Variants in COL4A3 observed in about 807,000 individuals in gnomAD.
COL4A3 encodes collagen type IV alpha 3 chain.
COL4A3 carries 135 observed loss-of-function variants against 217.4 expected under a neutral mutation model. The ratio of observed to expected loss-of-function variants is 0.62; its 90% CI spans 0.54 to 0.72. The LOEUF is 0.72. Ranked by LOEUF, COL4A3 falls within the 30% of genes least tolerant of loss-of-function variation. The pLI is 0.00. For missense variants in COL4A3, 1,868 were observed against 2,119.9 expected, an observed-to-expected ratio of 0.88 and a Z score of 2.33; for synonymous variants, 690 against 736.3, an observed-to-expected ratio of 0.94 and a Z score of 1.02.
intron 23 of COL4A3, among the ~76,000 whole-genome samples, chr2:227,267,965 G>GC (rs2071012522): frequency 6.6e-6 from 1 of 152,112 alleles, no homozygotes; most frequent in Non-Finnish European, 1.5e-5. Context: ...TCACAGAACT[G>GC]CCTATGGGCA....
chr2:227,278,277 A>C (rs2071712688), intron 28 of COL4A3, among the ~76,000 whole-genome samples: 1 of 152,174 alleles, frequency 6.6e-6, no homozygotes, highest in African/African-American at 2.4e-5. Context: ...AGACGCTGAG[A>C]GCTCACACAA....
At chr2:227,186,157 G>A (rs957641969) in intron 1 of COL4A3, among the ~76,000 whole-genome samples, 3 of 152,194 alleles carry the variant, frequency 2.0e-5, no homozygotes, top group East Asian at 1.9e-4. Flanking sequence ...TTTGGAGAAC[G>A]GGAGATTATT....
At position 227,256,379 on chromosome 2, in the gene COL4A3, G is replaced by C; in HGVS notation, c.970G>C (p.Gly324Arg). Residue 324 changes from glycine to arginine, a missense_variant, in exon 17 of 52, where the codon GGT (glycine) becomes CGT (arginine). Physicochemically the swap from Gly to Arg is moderately radical, Grantham distance 125. This residue lies in a region of COL4A3 where 1,503 missense variants were observed against 1,786.1 expected (regional missense o/e 0.84). Transcript: ENST00000396578. ...CAACAGGGGTTTCCCTGGGTTAATG[G>C]GTGAAGATGGCATTAAGGTAATCCT... ...KGNRGFPGLM[G>R]EDGIKGQKGD... is the part of the protein sequence containing the mutation. 6.2e-7 allele frequency: 1 copy of C among 1,613,306 alleles called. No homozygotes were observed.
chr2:227,195,679 GTGTGTGTGTGTGTGTGTA>G (rs1277075848), intron 1 of COL4A3, among the ~76,000 whole-genome samples: 1 of 149,368 alleles, frequency 6.7e-6, no homozygotes, highest in Non-Finnish European at 1.5e-5. Context: ...GTGTGTGTGT[GTGTGTGTGTGTGTGTGTA>G]TGTGTGTGTG....
intron 37 of COL4A3, 65 bp from the exon 38 acceptor site, chr2:227,293,126 A>C: frequency 6.2e-7 from 1 of 1,602,322 alleles, no homozygotes; most frequent in Non-Finnish European, 8.5e-7. Context: ...AATAAAGTTT[A>C]TGCTGAATTC....
chr2:227,178,551 T>C (rs2125663881), intron 1 of COL4A3, among the ~76,000 whole-genome samples: 1 of 152,252 alleles, frequency 6.6e-6, no homozygotes, highest in South Asian at 2.1e-4. Flanking sequence ...TTTATTTTTT[T>C]TGAGACAGAG....
intron 24 of COL4A3, 146 bp downstream of exon 24, chr2:227,270,126 A>C (rs899709810): frequency 1.5e-6 from 1 of 686,070 alleles, no homozygotes; most frequent in Admixed American, 2.1e-5. Context: ...TAAATCTGTG[A>C]CTGATTAAGT....
Position 227,251,142 on chromosome 2 carries a change from T to A in COL4A3, c.549T>A (p.Gly183=), listed in dbSNP as rs1249298276. The stretch of plus-strand genomic sequence containing the variant: ...CTTATTCTTCTCTCAATTTCAAGGG[T>A]TTGCCAGGCCCTCCAGGTTTTCCTG... The part of the protein sequence containing the change: ...PGLPGAPGPQ[G]LPGPPGFPGP... The change falls in exon 10 of 52, where the codon GGT becomes GGA. Residue 183 remains glycine (G), a splice_region_variant and synonymous_variant. Transcript: ENST00000396578. The A allele has an allele frequency of 6.2e-7, 1 of 1,612,490 alleles. No individual in the cohort carries two copies. The highest frequency in any genetic ancestry group is 1.7e-5 in the Admixed American group (1 of 60,026).
rs750189238 is a variant in COL4A3, at chr2:227,246,695, G to T, written c.398G>T (p.Gly133Val). 6.2e-7 allele frequency: 1 copy of T among 1,612,216 alleles called. No homozygotes were observed. The highest frequency in any genetic ancestry group is 1.1e-5 in the South Asian group (1 of 91,036). The change falls in exon 7 of 52, where the codon GGG becomes GTG. Residue 133 changes from glycine (G) to valine (V), a missense_variant. Transcript: ENST00000396578. Reference sequence around the variant, plus strand: ...TTGTATGTCTTTTAGGGTGAGCAGGGGTTTCCAGGACTCCCAGGGACACTG... The same window carrying T: ...TTGTATGTCTTTTAGGGTGAGCAGGTGTTTCCAGGACTCCCAGGGACACTG... ...PGCSGSKGEQ[G>V]FPGLPGTLGY...
intron 18 of COL4A3, among the ~76,000 whole-genome samples, chr2:227,257,981 T>A (rs1042971668): frequency 2.6e-5 from 4 of 152,146 alleles, no homozygotes; most frequent in African/African-American, 9.7e-5. Flanking sequence ...TTCTCCTCCC[T>A]CCACCTGGGC....
intron 43 of COL4A3, among the ~76,000 whole-genome samples, chr2:227,301,391 G>A (rs2073281246): frequency 6.6e-6 from 1 of 152,184 alleles, no homozygotes; most frequent in African/African-American, 2.4e-5. Context: ...CATCAGTGAT[G>A]CGTAATGAGG....
chr2:227,275,772 A>G (rs1032087126), intron 26 of COL4A3, among the ~76,000 whole-genome samples: 1 of 152,214 alleles, frequency 6.6e-6, no homozygotes, highest in Admixed American at 6.5e-5. Flanking sequence ...AGCCTTGCCC[A>G]TATCAAAACT....
chr2:227,222,180 A>T (rs988345056), intron 1 of COL4A3, among the ~76,000 whole-genome samples: 4 of 123,552 alleles, frequency 3.2e-5, no homozygotes, highest in Non-Finnish European at 3.7e-5. Flanking sequence ...ATGATAATAA[A>T]AAGCTCCTTA....
At chr2:227,286,676 A>T (rs141021446) in intron 34 of COL4A3, among the ~76,000 whole-genome samples, 11 of 152,316 alleles carry the variant, frequency 7.2e-5, no homozygotes, top group African/African-American at 2.6e-4. Flanking sequence ...GAGTTGAGGG[A>T]AGTAGAAAAT....
At position 227,280,737 on chromosome 2, in the gene COL4A3, CTTT is replaced by C. The variant is rs1313072035; in HGVS notation, c.2374+151_2375-150del. 7.1e-6 allele frequency: 8 copies of C among 1,132,776 alleles called. No individual in the cohort carries two copies. The African/African-American group carries it at 9.2e-5, about 13-fold the overall frequency. The allele number at this position is 1,132,776 out of a possible 1,614,324, so 70.2% of individuals were successfully genotyped here. On this transcript the variant is annotated intron_variant, in intron 30 of 51. Coordinates refer to ENST00000396578, the MANE Select transcript of COL4A3 (RefSeq NM_000091.5). ...TTCCTTCTTTCCTTCTTCCTTCCTT[CTTT>C]TTTAATGAGTGCCCTCTAGAAAAGG...
chr2:227,290,499 CA>C (rs1163342486), intron 36 of COL4A3, among the ~76,000 whole-genome samples: 1 of 151,118 alleles, frequency 6.6e-6, no homozygotes, highest in East Asian at 1.9e-4. Context: ...GACTCCATCT[CA>C]AAAAAAACCA....
At chr2:227,214,908 G>C (rs1369893416) in intron 1 of COL4A3, among the ~76,000 whole-genome samples, 1 of 152,150 alleles carries the variant, frequency 6.6e-6, no homozygotes, top group Non-Finnish European at 1.5e-5. Context: ...CCTAAGGGCT[G>C]CAAAGGGCAC....
chr2:227,254,320 A>G (rs2070009295), intron 14 of COL4A3, 146 bp downstream of exon 14: 1 of 735,544 alleles, frequency 1.4e-6, no homozygotes, highest in South Asian at 1.7e-5. Flanking sequence ...CAGAGCAGCT[A>G]TTGCTTTTAA....
rs927138124 is a variant in COL4A3 at position 227,248,564 on chromosome 2, C to G, written c.546+44C>G. The G allele has an allele frequency of 2.8e-5, 30 of 1,066,640 alleles. No individual in the cohort carries two copies. The Admixed American group carries it at 4.2e-4, about 15-fold the overall frequency. 66.1% of individuals were successfully genotyped at this position (1,066,640 alleles called of 1,614,324 possible). A position where few individuals can be genotyped will look rare whatever the true frequency, so the allele number is the denominator to read the frequency against. ...GGTCCCTATTATTCTCAGTTTTTCA[C>G]TCTCTCTCTCTCTTTTCGCCTCTCT... On this transcript the variant is annotated intron_variant, in intron 9 of 51. Coordinates refer to ENST00000396578, the MANE Select transcript of COL4A3 (RefSeq NM_000091.5).
Sources: gnomAD v4.1 joint callset for allele counts (sites outside exome capture counted in the v4.1 genomes callset) on GRCh38, gnomAD v4.1.1 for gene constraint, gnomAD v4.1.1 regional missense constraint, MANE v1.5 for transcripts, NCBI Gene and HGNC (gene_info 2026-07-23, HGNC 2026-07-21) for gene names.